Variants in RANBP2 observed in about 807,000 individuals in gnomAD.
The protein encoded by RANBP2 is RAN binding protein 2.
In RANBP2, 57 loss-of-function variants were observed where a neutral mutation model predicts 303.6. That is an observed-to-expected ratio of 0.19 (90% CI 0.15 to 0.23). RANBP2 has a LOEUF of 0.23. Among genes scored for constraint, RANBP2 ranks in the 10% least tolerant of loss-of-function variants. The pLI, the probability that RANBP2 is intolerant of heterozygous loss-of-function variation, is 1.00. For missense variants in RANBP2, 3,138 were observed against 3,780.8 expected (o/e 0.83, Z 4.46); for synonymous variants, 1,167 against 1,301.5 (o/e 0.90, Z 2.23).
At chr2:109,461,235 T>C in the RANBP2 span, among the ~76,000 whole-genome samples, 6 of 152,354 alleles carry the variant, frequency 3.9e-5, no homozygotes, top group African/African-American at 1.4e-4. Flanking sequence ...CAGTTCACAG[T>C]GGGCAGCTCT....
chr2:109,206,154 T>C, the RANBP2 span, among the ~76,000 whole-genome samples: 1 of 152,108 alleles, frequency 6.6e-6, no homozygotes, highest in Non-Finnish European at 1.5e-5. Context: ...TGTAGAATGT[T>C]ATTCTGGGGA....
the RANBP2 span, among the ~76,000 whole-genome samples, chr2:109,556,157 A>T: frequency 6.6e-6 from 1 of 152,336 alleles, no homozygotes; most frequent in South Asian, 2.1e-4. Flanking sequence ...ACTATCCTGG[A>T]ACTCTACCAG....
At chr2:108,910,370 G>C in the RANBP2 span, 2 of 1,052,544 alleles carry the variant, frequency 1.9e-6, no homozygotes, top group Non-Finnish European at 1.5e-6. Flanking sequence ...AGGCTAGCCT[G>C]TCAGTTCACT....
chr2:109,483,580 A>C, the RANBP2 span, among the ~76,000 whole-genome samples: 1 of 152,166 alleles, frequency 6.6e-6, no homozygotes, highest in Admixed American at 6.5e-5. Context: ...TTGACTTCCT[A>C]TCTGCTGTGT....
the RANBP2 span, among the ~76,000 whole-genome samples, chr2:109,249,036 C>T: frequency 6.1e-3 from 926 of 152,198 alleles, 5 homozygotes; most frequent in South Asian, 0.012. Context: ...TGCATGCCAC[C>T]ATGCCCAGCT....
chr2:109,345,471 A>G, the RANBP2 span, among the ~76,000 whole-genome samples: 1 of 152,160 alleles, frequency 6.6e-6, no homozygotes, highest in Admixed American at 6.5e-5. Context: ...CCGAGTCTGT[A>G]GCTCTTATAA....
At chr2:109,104,588 A>T in the RANBP2 span, among the ~76,000 whole-genome samples, 1 of 151,296 alleles carries the variant, frequency 6.6e-6, no homozygotes, top group Non-Finnish European at 1.5e-5. Flanking sequence ...GGTTCGTGCC[A>T]TTCTCCTGCC....
the RANBP2 span, among the ~76,000 whole-genome samples, chr2:109,740,753 G>T: frequency 7.0e-6 from 1 of 143,240 alleles, no homozygotes. Context: ...ATTGACCCCA[G>T]GGATGTTTAA....
the RANBP2 span, among the ~76,000 whole-genome samples, chr2:108,974,449 T>C: frequency 6.6e-6 from 1 of 151,000 alleles, no homozygotes; most frequent in African/African-American, 2.4e-5. Context: ...AAAGTAGACA[T>C]GACTGGGCAT....
At chr2:108,787,917 C>A, downstream of RANBP2, 1 of 898,136 alleles carries the variant, frequency 1.1e-6, no homozygotes, top group Non-Finnish European at 1.6e-6. Context: ...AAGATGGTGT[C>A]TACAAGATTT....
At chr2:109,184,104 A>G in the RANBP2 span, among the ~76,000 whole-genome samples, 1 of 152,184 alleles carries the variant, frequency 6.6e-6, no homozygotes, top group Non-Finnish European at 1.5e-5. Flanking sequence ...TGGTGGTTCC[A>G]TGTGCTTCGT....
chr2:109,532,090 G>A, the RANBP2 span, among the ~76,000 whole-genome samples: 1 of 152,212 alleles, frequency 6.6e-6, no homozygotes, highest in Non-Finnish European at 1.5e-5. Context: ...GGCACATCCT[G>A]GGGGCATGTG....
At chr2:108,791,608 C>G in the RANBP2 span, 1 of 1,519,880 alleles carries the variant, frequency 6.6e-7, no homozygotes, top group Non-Finnish European at 9.1e-7. Flanking sequence ...ATTTGAAAAG[C>G]AGTTTTATCT....
At chr2:109,271,889 T>C in the RANBP2 span, among the ~76,000 whole-genome samples, 1 of 152,328 alleles carries the variant, frequency 6.6e-6, no homozygotes, top group South Asian at 2.1e-4. Flanking sequence ...CAAGGCAGAA[T>C]TGAGATTCTA....
At chr2:109,716,110 G>A in the RANBP2 span, among the ~76,000 whole-genome samples, 2 of 152,152 alleles carry the variant, frequency 1.3e-5, no homozygotes, top group Non-Finnish European at 2.9e-5. Context: ...GGAGAAAGGA[G>A]AGGGTCGCAT....
Position 108,767,738 on chromosome 2 carries a change from G to C in RANBP2, c.7199G>C (p.Arg2400Thr). ...TTGCAAAATATGAAAGGGACAGAAA[G>C]AGTATGGTTGTGGACTGCATGTGAT... is the stretch of plus-strand genomic sequence containing the variant. ...MTLQNMKGTE[R>T]VWLWTACDFA... is the part of the protein sequence containing the mutation. Residue 2400 changes from arginine (R) to threonine (T), a missense_variant, in exon 20 of 29, where the codon AGA becomes ACA. Arg to Thr is a moderately conservative substitution (Grantham distance 71). Transcript: ENST00000283195. 1.9e-6 allele frequency: 3 copies of C among 1,612,018 alleles called. No individual in the cohort carries two copies. The highest frequency in any genetic ancestry group is 2.5e-6 in the Non-Finnish European group (3 of 1,179,870).
chr2:109,151,874 A>G, the RANBP2 span, among the ~76,000 whole-genome samples: 1 of 152,260 alleles, frequency 6.6e-6, no homozygotes, highest in Non-Finnish European at 1.5e-5. Context: ...AATTGTCATC[A>G]TGATAGAATC....
At chr2:109,145,452 C>T in the RANBP2 span, among the ~76,000 whole-genome samples, 7 of 152,142 alleles carry the variant, frequency 4.6e-5, no homozygotes, top group South Asian at 1.0e-3. Flanking sequence ...TCGCCTTCAC[C>T]ATTGGTCTGT....
At chr2:108,811,891 T>G in the RANBP2 span, among the ~76,000 whole-genome samples, 1 of 152,314 alleles carries the variant, frequency 6.6e-6, no homozygotes, top group East Asian at 1.9e-4. Flanking sequence ...GTTTCTAAGT[T>G]ATTTCACTTA....
Sources: allele counts gnomAD v4.1 joint callset (sites outside exome capture counted in the v4.1 genomes callset), GRCh38; gene constraint gnomAD v4.1.1; transcripts MANE v1.5; gene names NCBI Gene and HGNC (gene_info 2026-07-23, HGNC 2026-07-21).